EXOC6B: variants seen among roughly 807,000 people sequenced by gnomAD.
The protein encoded by EXOC6B is exocyst complex component 6B, also known as SEC15 homolog B.
EXOC6B carries 54 observed loss-of-function variants against 113.5 expected under a neutral mutation model. The observed-to-expected ratio is 0.48, with a 90% CI of 0.38 to 0.60. The LOEUF is 0.60. Ranked by LOEUF, EXOC6B falls within the 20% of genes least tolerant of loss-of-function variation. The probability of loss-of-function intolerance (pLI) is 0.00; values close to 1 mark genes in which losing one functional copy is unlikely to be tolerated. For missense variants in EXOC6B, 797 were observed against 977.5 expected (o/e 0.82, Z 2.46); for synonymous variants, 357 against 339.0 (o/e 1.05, Z -0.58).
At chr2:72,649,801 C>T (rs946542849) in intron 6 of EXOC6B, among the ~76,000 whole-genome samples, 1 of 152,080 alleles carries the variant, frequency 6.6e-6, no homozygotes, top group Non-Finnish European at 1.5e-5. Context: ...GGTACAAAAG[C>T]CTTTCAATGG....
At chr2:72,794,654 T>TA (rs1354979730) in intron 1 of EXOC6B, among the ~76,000 whole-genome samples, 1 of 152,202 alleles carries the variant, frequency 6.6e-6, no homozygotes, top group African/African-American at 2.4e-5. Context: ...GAGCACCTAC[T>TA]ATGACTCACT....
At chr2:72,556,434 T>C (rs1184223724) in intron 8 of EXOC6B, among the ~76,000 whole-genome samples, 1 of 152,212 alleles carries the variant, frequency 6.6e-6, no homozygotes, top group East Asian at 1.9e-4. Flanking sequence ...AAAGAGCAAC[T>C]ATCTTTCTTC....
chr2:72,761,797 A>G (rs549268917), intron 1 of EXOC6B, among the ~76,000 whole-genome samples: 1 of 152,216 alleles, frequency 6.6e-6, no homozygotes, highest in South Asian at 2.1e-4. Flanking sequence ...TATATAAGAA[A>G]CCACAATGAA....
chr2:72,482,827 C>G (rs1399740368), intron 16 of EXOC6B, among the ~76,000 whole-genome samples: 1 of 152,136 alleles, frequency 6.6e-6, no homozygotes, highest in Non-Finnish European at 1.5e-5. Context: ...CACTAAGGAT[C>G]ATCCTGACAA....
intron 9 of EXOC6B, 29 bp downstream of exon 9, chr2:72,515,014 T>C: frequency 6.4e-7 from 1 of 1,565,402 alleles, no homozygotes; most frequent in East Asian, 2.3e-5. Context: ...AAAGTAAAAA[T>C]GTGAGAAAAG....
chr2:72,456,451 G>C (rs1697240110), intron 18 of EXOC6B, among the ~76,000 whole-genome samples: 5 of 152,094 alleles, frequency 3.3e-5, no homozygotes, highest in Admixed American at 3.3e-4. Flanking sequence ...TTTCATGCAA[G>C]CTGCTGCACT....
At chr2:72,423,817 C>T (rs533379456) in intron 18 of EXOC6B, among the ~76,000 whole-genome samples, 125 of 152,102 alleles carry the variant, frequency 8.2e-4, no homozygotes, top group African/African-American at 2.8e-3. Flanking sequence ...ACTGTTTATC[C>T]GTTTTGGGTT....
rs567550781 is a variant in EXOC6B, at chr2:72,193,023, C to T, written c.2197-8836G>A. Among the ~76,000 whole-genome samples the T allele has an allele frequency of 1.1e-4, 17 of 152,272 alleles. 1 individual carries two copies. The highest frequency in any genetic ancestry group is 3.9e-4 in the African/African-American group (16 of 41,552). ...TCACTAACATACAGAACACTAACCC[C>T]AGAGCAGCTTCATTTGTCCACTCCC... On this transcript the variant is annotated intron_variant, in intron 20 of 21. Coordinates refer to ENST00000272427, the MANE Select transcript of EXOC6B (RefSeq NM_015189.3).
At chr2:72,460,865 C>A (rs1246518771) in intron 18 of EXOC6B, among the ~76,000 whole-genome samples, 2 of 151,460 alleles carry the variant, frequency 1.3e-5, no homozygotes, top group Admixed American at 1.3e-4. Flanking sequence ...TGGGTATATA[C>A]CCAAAGGACT....
chr2:72,802,668 C>T (rs551076369), intron 1 of EXOC6B, among the ~76,000 whole-genome samples: 1 of 152,090 alleles, frequency 6.6e-6, no homozygotes, highest in East Asian at 1.9e-4. Flanking sequence ...AAAGAAAAGG[C>T]CCTTTTCATC....
intron 6 of EXOC6B, among the ~76,000 whole-genome samples, chr2:72,643,840 A>G (rs2104361621): frequency 6.6e-6 from 1 of 151,826 alleles, no homozygotes; most frequent in East Asian, 1.9e-4. Flanking sequence ...TAAATAAAAA[A>G]GAAATGAGAG....
intron 5 of EXOC6B, among the ~76,000 whole-genome samples, chr2:72,724,040 G>T (rs1240930051): frequency 1.3e-5 from 2 of 152,168 alleles, no homozygotes; most frequent in African/African-American, 4.8e-5. Flanking sequence ...AGTAGCTCAG[G>T]AAAGTTGATT....
chr2:72,427,776 G>T (rs1216340472), intron 18 of EXOC6B, among the ~76,000 whole-genome samples: 1 of 152,166 alleles, frequency 6.6e-6, no homozygotes, highest in Non-Finnish European at 1.5e-5. Flanking sequence ...AGGCACTGAA[G>T]GCTGGGGGCT....
intron 6 of EXOC6B, among the ~76,000 whole-genome samples, chr2:72,593,680 C>A (rs1247818556): frequency 2.5e-4 from 38 of 149,068 alleles, no homozygotes; most frequent in Admixed American, 2.5e-3. Flanking sequence ...TATAACAGAG[C>A]CCTCAAATTT....
rs1254699000 is a variant in EXOC6B, at chr2:72,825,224, G to A, written c.113+574C>T. Among the ~76,000 whole-genome samples, 1 of 152,148 alleles carries A rather than the reference G, an allele frequency of 6.6e-6. No individual in the cohort carries two copies. Among genetic ancestry groups the A allele is most frequent in the African/African-American group, 2.4e-5 (1 of 41,444 alleles). ...GATGAGGAGGCTGCACCGTGGGCGAGGGTCGTCCTCGTAACAGGGAGGCAG... is the reference window on the plus strand; with the variant it reads ...GATGAGGAGGCTGCACCGTGGGCGAAGGTCGTCCTCGTAACAGGGAGGCAG... On this transcript the variant is annotated intron_variant, in intron 1 of 21. Transcript: ENST00000272427. The surrounding 1 kb of genome is among the most constrained non-coding windows in gnomAD (Gnocchi z 4.4).
intron 6 of EXOC6B, among the ~76,000 whole-genome samples, chr2:72,653,317 A>C (rs900782919): frequency 2.2e-4 from 32 of 145,756 alleles, no homozygotes; most frequent in Admixed American, 7.0e-4. Flanking sequence ...CAAAAAACCA[A>C]ACACCGCATA....
intron 18 of EXOC6B, among the ~76,000 whole-genome samples, chr2:72,426,498 A>T (rs150352626): frequency 6.5e-4 from 99 of 152,266 alleles, no homozygotes; most frequent in African/African-American, 2.3e-3. Flanking sequence ...TTTATATTAT[A>T]AGAGGGGAGT....
intron 8 of EXOC6B, among the ~76,000 whole-genome samples, chr2:72,553,446 C>T (rs1573380566): frequency 6.6e-6 from 1 of 151,814 alleles, no homozygotes; most frequent in African/African-American, 2.4e-5. Flanking sequence ...CTCAAACTTA[C>T]TATAACATAT....
At chr2:72,197,683 C>T (rs763969304) in intron 20 of EXOC6B, among the ~76,000 whole-genome samples, 3 of 151,962 alleles carry the variant, frequency 2.0e-5, no homozygotes, top group Admixed American at 2.0e-4. Flanking sequence ...TGTCTCAGGT[C>T]GGACTGAAGG....
Sources: allele counts gnomAD v4.1 joint callset (sites outside exome capture counted in the v4.1 genomes callset), GRCh38; gene constraint gnomAD v4.1.1; non-coding constraint Gnocchi (gnomAD v3.1); transcripts MANE v1.5; gene names NCBI Gene and HGNC (gene_info 2026-07-23, HGNC 2026-07-21).